Variants in TMEM232 observed in about 807,000 individuals in gnomAD.
TMEM232 encodes transmembrane protein 232.
In TMEM232, 80 loss-of-function variants were observed where a neutral mutation model predicts 78.8. That is an observed-to-expected ratio of 1.01 (90% CI 0.85 to 1.22). The LOEUF is 1.22. Ranked by LOEUF, TMEM232 falls within the 50% of genes most tolerant of loss-of-function variation. The probability of loss-of-function intolerance (pLI) is 0.00; values close to 1 mark genes in which losing one functional copy is unlikely to be tolerated. For missense variants in TMEM232, 881 were observed against 742.2 expected (o/e 1.19, Z -2.17); for synonymous variants, 297 against 254.3 (o/e 1.17, Z -1.60).
chr5:110,572,052 T>C (rs1295885702), intron 10 of TMEM232, among the ~76,000 whole-genome samples: 2 of 152,112 alleles, frequency 1.3e-5, no homozygotes, highest in African/African-American at 4.8e-5. Context: ...GAAGATCTAA[T>C]TGGACTTCTT....
At chr5:110,463,806 T>C (rs1476749904) in intron 12 of TMEM232, among the ~76,000 whole-genome samples, 1 of 152,168 alleles carries the variant, frequency 6.6e-6, no homozygotes, top group South Asian at 2.1e-4. Context: ...ACACCCTCCA[T>C]TGCATCTCAC....
At chr5:110,392,529 C>G (rs1755237430) in intron 3 of TMEM232, among the ~76,000 whole-genome samples, 1 of 152,324 alleles carries the variant, frequency 6.6e-6, no homozygotes, top group South Asian at 2.1e-4. Flanking sequence ...AGTCCAAGAT[C>G]AAGGTGCCTG....
chr5:110,526,892 C>T (rs1017960109), intron 12 of TMEM232, among the ~76,000 whole-genome samples: 13 of 151,816 alleles, frequency 8.6e-5, no homozygotes, highest in Middle Eastern at 6.8e-3. Context: ...CTAGAAAATT[C>T]TCCATGTACT....
intron 13 of TMEM232, among the ~76,000 whole-genome samples, chr5:110,423,209 C>T (rs958289901): frequency 3.3e-5 from 5 of 152,046 alleles, no homozygotes; most frequent in African/African-American, 4.8e-5. Flanking sequence ...ACTTCAGCAG[C>T]TATGAAAAAG....
intron 4 of TMEM232, among the ~76,000 whole-genome samples, chr5:110,389,040 C>T (rs1373340871): frequency 6.6e-6 from 1 of 152,100 alleles, no homozygotes; most frequent in Non-Finnish European, 1.5e-5. Flanking sequence ...GCAGGTGGAT[C>T]ATCTGAAGTT....
chr5:110,463,590 C>T (rs958570159), intron 12 of TMEM232, among the ~76,000 whole-genome samples: 6 of 152,120 alleles, frequency 3.9e-5, no homozygotes, highest in Admixed American at 1.3e-4. Flanking sequence ...CATTTAATTC[C>T]GGCTTTTCTT....
chr5:110,714,381 G>A (rs1320529951), intron 1 of TMEM232, among the ~76,000 whole-genome samples: 2 of 152,110 alleles, frequency 1.3e-5, no homozygotes, highest in Non-Finnish European at 2.9e-5. Context: ...AATCAAAATA[G>A]AAAGAATGTC....
chr5:110,506,625 G>A (rs1185401735), intron 12 of TMEM232, among the ~76,000 whole-genome samples: 2 of 152,054 alleles, frequency 1.3e-5, no homozygotes, highest in Non-Finnish European at 2.9e-5. Flanking sequence ...TCTCATTCAT[G>A]CTGTAACATA....
intron 12 of TMEM232, among the ~76,000 whole-genome samples, chr5:110,493,023 A>G (rs1765276834): frequency 6.6e-6 from 1 of 152,058 alleles, no homozygotes; most frequent in South Asian, 2.1e-4. Context: ...GGGATAAATT[A>G]TAATACATTC....
chr5:110,515,718 T>C (rs1768519895), intron 12 of TMEM232, among the ~76,000 whole-genome samples: 1 of 152,192 alleles, frequency 6.6e-6, no homozygotes, highest in Non-Finnish European at 1.5e-5. Context: ...ACCTTTCCCA[T>C]CTTTGCACCA....
At chr5:110,481,243 T>C (rs778747802) in intron 12 of TMEM232, among the ~76,000 whole-genome samples, 1 of 152,128 alleles carries the variant, frequency 6.6e-6, no homozygotes, top group African/African-American at 2.4e-5. Flanking sequence ...CAATGTTAAA[T>C]TGCACTGTTA....
intron 12 of TMEM232, among the ~76,000 whole-genome samples, chr5:110,448,149 A>G (rs770257452): frequency 2.2e-4 from 33 of 152,104 alleles, no homozygotes; most frequent in Non-Finnish European, 2.1e-4. Flanking sequence ...GTTTATGTAT[A>G]TAAAGAGAAG....
chr5:110,546,908 C>A (rs1482646337), intron 11 of TMEM232, among the ~76,000 whole-genome samples: 2 of 151,524 alleles, frequency 1.3e-5, no homozygotes, highest in South Asian at 2.1e-4. Flanking sequence ...AATAAATAAC[C>A]CACCTTTGGA....
At chr5:110,502,280 T>C (rs1300455134) in intron 12 of TMEM232, among the ~76,000 whole-genome samples, 1 of 152,124 alleles carries the variant, frequency 6.6e-6, no homozygotes, top group Non-Finnish European at 1.5e-5. Flanking sequence ...ATTTCTGCAG[T>C]TCCAGGGACT....
intron 5 of TMEM232, among the ~76,000 whole-genome samples, chr5:110,628,449 CATT>C (rs995923706): frequency 6.6e-6 from 1 of 151,788 alleles, no homozygotes; most frequent in African/African-American, 2.4e-5. Flanking sequence ...CTCACAGGGT[CATT>C]ATTAAATAAG....
intron 2 of TMEM232, among the ~76,000 whole-genome samples, chr5:110,647,337 T>A (rs1381679805): frequency 6.6e-6 from 1 of 151,958 alleles, no homozygotes; most frequent in Admixed American, 6.6e-5. Flanking sequence ...CAGTTATAAA[T>A]TTGGGTGGAC....
At chr5:110,588,684 T>A (rs1029157878) in intron 10 of TMEM232, among the ~76,000 whole-genome samples, 1 of 152,106 alleles carries the variant, frequency 6.6e-6, no homozygotes, top group Non-Finnish European at 1.5e-5. Flanking sequence ...AAAAATTTCA[T>A]TGTAGTGTAA....
intron 12 of TMEM232, among the ~76,000 whole-genome samples, chr5:110,463,755 C>G (rs1235385716): frequency 6.6e-6 from 1 of 152,168 alleles, no homozygotes; most frequent in Non-Finnish European, 1.5e-5. Flanking sequence ...GTTCTACCTT[C>G]AAAACAGTCT....
chr5:110,664,119 G>A (rs564125229), intron 2 of TMEM232, among the ~76,000 whole-genome samples: 1 of 152,208 alleles, frequency 6.6e-6, no homozygotes, highest in East Asian at 1.9e-4. Flanking sequence ...CAGCCTGGGA[G>A]ATAGAGAAAG....
Sources: allele counts gnomAD v4.1 joint callset (sites outside exome capture counted in the v4.1 genomes callset), GRCh38; gene constraint gnomAD v4.1.1; transcripts MANE v1.5; gene names NCBI Gene and HGNC (gene_info 2026-07-23, HGNC 2026-07-21).